Variants in AGPAT3 observed in about 807,000 individuals in gnomAD.
The protein encoded by AGPAT3 is 1-acyl-sn-glycerol-3-phosphate acyltransferase gamma.
A neutral mutation model predicts 47.3 loss-of-function variants in AGPAT3; 5 were observed. The observed-to-expected ratio is 0.11, with a 90% CI of 0.06 to 0.22. The LOEUF is 0.22. AGPAT3 is among the 10% of genes least tolerant of loss of function. The probability of loss-of-function intolerance (pLI) is 1.00; values close to 1 mark genes in which losing one functional copy is unlikely to be tolerated. For missense variants in AGPAT3, 315 were observed against 493.0 expected (o/e 0.64, Z 3.42); for synonymous variants, 212 against 208.3 (o/e 1.02, Z -0.15).
At chr21:43,935,182 C>T (rs140611653) in intron 2 of AGPAT3, among the ~76,000 whole-genome samples, 12 of 152,396 alleles carry the variant, frequency 7.9e-5, no homozygotes, top group African/African-American at 2.4e-4. Flanking sequence ...TGCCGTGCCG[C>T]GCTAGCACGC....
intron 2 of AGPAT3, among the ~76,000 whole-genome samples, chr21:43,914,203 G>A (rs987539788): frequency 6.6e-6 from 1 of 152,192 alleles, no homozygotes; most frequent in Admixed American, 6.5e-5. Context: ...TGCCTGCGAG[G>A]CCTGGGGCCC....
At chr21:43,950,177 C>T (rs910984594) in intron 2 of AGPAT3, among the ~76,000 whole-genome samples, 52 of 152,336 alleles carry the variant, frequency 3.4e-4, no homozygotes, top group African/African-American at 1.2e-3. Context: ...CTGACTGATT[C>T]GGAGGCCACT....
intron 1 of AGPAT3, among the ~76,000 whole-genome samples, chr21:43,887,278 C>T (rs1309176160): frequency 5.3e-5 from 8 of 152,202 alleles, no homozygotes; most frequent in South Asian, 2.1e-4. Context: ...CAGAAGCAGT[C>T]GCCACCCTCT....
At chr21:43,929,199 C>CT (rs2087157242) in intron 2 of AGPAT3, among the ~76,000 whole-genome samples, 2 of 152,220 alleles carry the variant, frequency 1.3e-5, no homozygotes, top group Non-Finnish European at 2.9e-5. Flanking sequence ...TTCATGGAAG[C>CT]AGGGCATGTA....
chr21:43,868,491 C>T lies in AGPAT3; in HGVS notation c.-112+3146C>T, dbSNP rs569813343. Reference sequence around the variant, plus strand: ...GTCCCCAGTGACTGGGAAGGCTATGCATCATTGTTGGAGATGGTCTCGATT... The same window carrying T: ...GTCCCCAGTGACTGGGAAGGCTATGTATCATTGTTGGAGATGGTCTCGATT... On this transcript the variant is annotated intron_variant, in intron 1 of 9. Transcript: ENST00000291572. Among the ~76,000 whole-genome samples the T allele has an allele frequency of 5.3e-5, 8 of 152,194 alleles. No homozygotes were observed. In the South Asian group the frequency reaches 1.7e-3, roughly 32 times the overall value.
intron 1 of AGPAT3, among the ~76,000 whole-genome samples, chr21:43,865,628 C>G (rs1569035557): frequency 6.6e-6 from 1 of 150,930 alleles, no homozygotes; most frequent in East Asian, 2.0e-4. Context: ...GGCCGCTTCC[C>G]GCAGCAGCCT....
intron 2 of AGPAT3, among the ~76,000 whole-genome samples, chr21:43,946,134 T>C (rs958769976): frequency 6.6e-6 from 1 of 152,212 alleles, no homozygotes; most frequent in Non-Finnish European, 1.5e-5. Context: ...TCTCCCCAGC[T>C]TCCAGTTGGT....
In AGPAT3 at chr21:43,933,034, C is replaced by T. The variant is rs1043968007; in HGVS notation, c.-48-26600C>T. On this transcript the variant is annotated intron_variant, in intron 2 of 9. Coordinates refer to ENST00000291572, the MANE Select transcript of AGPAT3 (RefSeq NM_020132.5). This position sits in a 1 kb window ranked among gnomAD's most constrained non-coding sequence, Gnocchi z 6.0. The stretch of plus-strand genomic sequence containing the variant: ...GATTGACGCTCTCTCTCCCTCACAG[C>T]GTGCCAGGTGCCTTTTCTCTGCGTT... 6.6e-6 allele frequency among the ~76,000 whole-genome samples: 1 copy of T among 152,216 alleles called. No homozygotes were observed. Among genetic ancestry groups the T allele is most frequent in the African/African-American group, 2.4e-5 (1 of 41,450 alleles).
At chr21:43,904,707 T>C (rs2086446441) in intron 2 of AGPAT3, among the ~76,000 whole-genome samples, 1 of 152,170 alleles carries the variant, frequency 6.6e-6, no homozygotes, top group South Asian at 2.1e-4. Context: ...CCCTGCCCAC[T>C]GCTCCCATGT....
At chr21:43,898,885 G>GT (rs35571689) in intron 1 of AGPAT3, among the ~76,000 whole-genome samples, 49,537 of 149,058 alleles carry the variant, frequency 0.33, 9,381 homozygotes, top group East Asian at 0.53. Context: ...GATTATTACT[G>GT]TTTTTTTTTT....
chr21:43,888,273 C>A (rs1026557818), intron 1 of AGPAT3, among the ~76,000 whole-genome samples: 2 of 152,306 alleles, frequency 1.3e-5, no homozygotes, highest in African/African-American at 4.8e-5. Flanking sequence ...TTCCTGGGCT[C>A]AAGCAATCCT....
intron 1 of AGPAT3, among the ~76,000 whole-genome samples, chr21:43,892,283 G>A (rs556690590): frequency 3.2e-4 from 48 of 151,472 alleles, no homozygotes; most frequent in Middle Eastern, 3.4e-3. Flanking sequence ...CTCCAGCCCG[G>A]GCAACAAGAG....
intron 1 of AGPAT3, among the ~76,000 whole-genome samples, chr21:43,887,288 T>C (rs2086000782): frequency 6.6e-6 from 1 of 152,198 alleles, no homozygotes; most frequent in African/African-American, 2.4e-5. Context: ...CGCCACCCTC[T>C]GTTCTGGATG....
Position 43,987,154 on chromosome 21 carries a change from T to A in AGPAT3, c.*4762T>A, listed in dbSNP as rs113136073. On this transcript the variant is annotated 3_prime_UTR_variant, in exon 10 of 10. Coordinates refer to ENST00000291572, the MANE Select transcript of AGPAT3 (RefSeq NM_020132.5). ...AAGAGAAAGCGACTCCGTGCCTCCT[T>A]CTGTTTCTTCGTTTCCAGTCTGCAT... Among the ~76,000 whole-genome samples the A allele has an allele frequency of 6.6e-6, 1 of 152,220 alleles. No homozygotes were observed. The highest frequency in any genetic ancestry group is 2.4e-5 in the African/African-American group (1 of 41,454).
chr21:43,982,402 GTGAC>G lies in AGPAT3; in HGVS notation c.*14_*17del. 2 of 1,603,324 alleles carry G rather than the reference GTGAC, an allele frequency of 1.2e-6. No homozygotes were observed. Among genetic ancestry groups the G allele is most frequent in the Non-Finnish European group, 1.7e-6 (2 of 1,170,274 alleles). On this transcript the variant is annotated 3_prime_UTR_variant, in exon 10 of 10. Coordinates refer to ENST00000291572, the MANE Select transcript of AGPAT3 (RefSeq NM_020132.5). This position sits in a 1 kb window ranked among gnomAD's most constrained non-coding sequence, Gnocchi z 6.2. ...TAAGAAAAAGGAATAATTAATGGCTGTGACTGAACACACGCGGCCCTGACGGTGG... is the reference window on the plus strand; with the variant it reads ...TAAGAAAAAGGAATAATTAATGGCTGTGAACACACGCGGCCCTGACGGTGG...
intron 1 of AGPAT3, among the ~76,000 whole-genome samples, chr21:43,866,973 C>T (rs1027864682): frequency 6.6e-6 from 1 of 152,262 alleles, no homozygotes; most frequent in Non-Finnish European, 1.5e-5. Context: ...TGCTGCCCCG[C>T]CCCAGGCTGG....
At chr21:43,976,342 G>A (rs2089621659) in intron 7 of AGPAT3, among the ~76,000 whole-genome samples, 1 of 152,020 alleles carries the variant, frequency 6.6e-6, no homozygotes, top group Admixed American at 6.6e-5. Context: ...TGGGATTACA[G>A]GCACATTCCA....
In AGPAT3 at chr21:43,952,117, G is replaced by T. The variant is rs1256783621; in HGVS notation, c.-48-7517G>T. 6.6e-6 allele frequency among the ~76,000 whole-genome samples: 1 copy of T among 152,146 alleles called. No individual in the cohort carries two copies. Among genetic ancestry groups the T allele is most frequent in the Non-Finnish European group, 1.5e-5 (1 of 68,020 alleles). On this transcript the variant is annotated intron_variant, in intron 2 of 9. Coordinates refer to ENST00000291572, the MANE Select transcript of AGPAT3 (RefSeq NM_020132.5). This position sits in a 1 kb window ranked among gnomAD's most constrained non-coding sequence, Gnocchi z 5.6. ...CTCTCCAGAACTACGGACCTGGGATGAGGCGGCCTGTGAGTGCGATTGGGC... is the reference window on the plus strand; with the variant it reads ...CTCTCCAGAACTACGGACCTGGGATTAGGCGGCCTGTGAGTGCGATTGGGC...
rs1170910301 is a variant in AGPAT3, at chr21:43,930,414, C to T, written c.-49+26395C>T. Among the ~76,000 whole-genome samples, 1 of 152,198 alleles carries T rather than the reference C, an allele frequency of 6.6e-6. No individual in the cohort carries two copies. The highest frequency in any genetic ancestry group is 1.9e-4 in the East Asian group (1 of 5,196). The stretch of plus-strand genomic sequence containing the variant: ...GCTGAGGGATCATTTGTGTAAAGCA[C>T]CTGCCACTGAGTGTGACCTCAGGGT... On this transcript the variant is annotated intron_variant, in intron 2 of 9. Coordinates refer to ENST00000291572, the MANE Select transcript of AGPAT3 (RefSeq NM_020132.5). The surrounding 1 kb of genome is among the most constrained non-coding windows in gnomAD (Gnocchi z 5.0).
Sources: gnomAD v4.1 joint callset for allele counts (sites outside exome capture counted in the v4.1 genomes callset) on GRCh38, gnomAD v4.1.1 for gene constraint, Gnocchi (gnomAD v3.1) non-coding constraint, MANE v1.5 for transcripts, NCBI Gene and HGNC (gene_info 2026-07-23, HGNC 2026-07-21) for gene names.